SLC8A1: variants seen among roughly 807,000 people sequenced by gnomAD.
SLC8A1 encodes solute carrier family 8 member A1, also known as sodium/calcium exchanger 1.
A neutral mutation model predicts 68.3 loss-of-function variants in SLC8A1; 18 were observed. The observed-to-expected ratio is 0.26, with a 90% confidence interval of 0.18 to 0.39. The LOEUF (loss-of-function observed/expected upper bound fraction) is 0.39, where lower values mean the gene tolerates loss of function less well. SLC8A1 is among the 10% of genes least tolerant of loss of function. The pLI, the probability that SLC8A1 is intolerant of heterozygous loss-of-function variation, is 1.00. For synonymous variants in SLC8A1, 475 were observed against 415.5 expected (o/e 1.14, Z -1.74); for missense variants, 985 against 1,156.7 (o/e 0.85, Z 2.15).
At chr2:40,226,516 C>A (rs1390425187) in intron 2 of SLC8A1, among the ~76,000 whole-genome samples, 1 of 152,134 alleles carries the variant, frequency 6.6e-6, no homozygotes, top group Non-Finnish European at 1.5e-5. Flanking sequence ...GTACACAGAT[C>A]TTGCCTCTAA....
chr2:40,186,542 T>G (rs2050736656), intron 2 of SLC8A1, among the ~76,000 whole-genome samples: 1 of 152,192 alleles, frequency 6.6e-6, no homozygotes, highest in African/African-American at 2.4e-5. Context: ...TCATATTATT[T>G]CTACTAATAT....
At chr2:40,443,679 T>C (rs560708455) in intron 1 of SLC8A1, among the ~76,000 whole-genome samples, 24 of 152,168 alleles carry the variant, frequency 1.6e-4, no homozygotes, top group Non-Finnish European at 3.1e-4. Context: ...GGTTCACTGG[T>C]CTAGGGACTA....
chr2:40,451,644 C>A (rs1404585860), intron 1 of SLC8A1, among the ~76,000 whole-genome samples: 3 of 152,082 alleles, frequency 2.0e-5, no homozygotes, highest in Admixed American at 2.0e-4. Flanking sequence ...GGCAGGCAGG[C>A]AGGCACCCTC....
intron 1 of SLC8A1, among the ~76,000 whole-genome samples, chr2:40,496,417 G>C (rs982524719): frequency 1.3e-5 from 2 of 151,998 alleles, no homozygotes; most frequent in East Asian, 1.9e-4. Flanking sequence ...TCAAACAGTT[G>C]GATCAAGATC....
chr2:40,496,826 A>C (rs564577932), intron 1 of SLC8A1, among the ~76,000 whole-genome samples: 4 of 151,430 alleles, frequency 2.6e-5, no homozygotes, highest in South Asian at 4.2e-4. Context: ...CCGCAAGAAC[A>C]AAAAACCAAA....
chr2:40,246,597 G>T (rs1001994329), intron 2 of SLC8A1, among the ~76,000 whole-genome samples: 3 of 152,154 alleles, frequency 2.0e-5, no homozygotes, highest in African/African-American at 7.2e-5. Context: ...TGCCTTCAAG[G>T]TCTGCCAGCT....
At chr2:40,407,129 C>T (rs1690621901) in intron 2 of SLC8A1, among the ~76,000 whole-genome samples, 3 of 152,180 alleles carry the variant, frequency 2.0e-5, no homozygotes, top group Admixed American at 6.5e-5. Flanking sequence ...TACAGTGGTG[C>T]GATCCCAGCT....
chr2:40,477,335 C>T (rs1007217353), intron 1 of SLC8A1, among the ~76,000 whole-genome samples: 3 of 152,108 alleles, frequency 2.0e-5, no homozygotes, highest in Non-Finnish European at 1.5e-5. Context: ...ATTTCTAGAA[C>T]CTTCTGAACA....
rs183448872 is a variant in SLC8A1 at position 40,221,067 on chromosome 2, C to A, written c.1809-43212G>T. ...CTGATACCAAAACCTGGCAGAGACACAACAACAACAAAAAAGAAAATTTCA... is the reference window on the plus strand; with the variant it reads ...CTGATACCAAAACCTGGCAGAGACAAAACAACAACAAAAAAGAAAATTTCA... On this transcript the variant is annotated intron_variant, in intron 2 of 7. Transcript: ENST00000406785. Among the ~76,000 whole-genome samples the A allele has an allele frequency of 3.3e-4, 49 of 148,700 alleles. 1 individual carries two copies. In the East Asian group the frequency reaches 7.8e-3, roughly 24 times the overall value.
At chr2:40,204,395 C>T (rs2054978492) in intron 2 of SLC8A1, among the ~76,000 whole-genome samples, 1 of 152,002 alleles carries the variant, frequency 6.6e-6, no homozygotes, top group Non-Finnish European at 1.5e-5. Flanking sequence ...TATGTTTCCA[C>T]CCCAGTTGAG....
At chr2:40,377,704 C>T (rs1010961383) in intron 2 of SLC8A1, among the ~76,000 whole-genome samples, 15 of 152,018 alleles carry the variant, frequency 9.9e-5, no homozygotes, top group Non-Finnish European at 2.1e-4. Context: ...ACGACATCAC[C>T]GAGTATGAGT....
At chr2:40,406,877 C>T (rs1690529010) in intron 2 of SLC8A1, among the ~76,000 whole-genome samples, 1 of 152,202 alleles carries the variant, frequency 6.6e-6, no homozygotes, top group South Asian at 2.1e-4. Flanking sequence ...TTCCCCCTAT[C>T]TACGTCACAT....
At chr2:40,111,598 A>G in exon 8 of SLC8A1, 1 of 152,146 alleles carries the variant, frequency 6.6e-6, no homozygotes, top group East Asian at 1.9e-4. Flanking sequence ...TAAGTACACA[A>G]ACCTTAGAGG....
intron 2 of SLC8A1, among the ~76,000 whole-genome samples, chr2:40,355,241 A>T (rs1672318923): frequency 6.6e-6 from 1 of 152,182 alleles, no homozygotes; most frequent in Non-Finnish European, 1.5e-5. Flanking sequence ...AGGGAAAAAC[A>T]TCTAACAAGG....
At chr2:40,366,140 A>T (rs1449803504) in intron 2 of SLC8A1, among the ~76,000 whole-genome samples, 1 of 152,078 alleles carries the variant, frequency 6.6e-6, no homozygotes, top group Non-Finnish European at 1.5e-5. Context: ...TATTTGTAAA[A>T]TGGGGATAAT....
intron 2 of SLC8A1, among the ~76,000 whole-genome samples, chr2:40,399,060 A>G (rs1228324383): frequency 6.6e-6 from 1 of 152,232 alleles, no homozygotes; most frequent in Non-Finnish European, 1.5e-5. Flanking sequence ...TCTGTCAGAG[A>G]TTCATCAGTC....
chr2:40,338,681 G>A (rs1666772576), intron 2 of SLC8A1, among the ~76,000 whole-genome samples: 1 of 152,136 alleles, frequency 6.6e-6, no homozygotes, highest in African/African-American at 2.4e-5. Context: ...AACAAGTTGT[G>A]TCATAAAGAA....
At chr2:40,110,261 T>TA (rs1202870389) in exon 8 of SLC8A1, 1 of 152,186 alleles carries the variant, frequency 6.6e-6, no homozygotes, top group Non-Finnish European at 1.5e-5. Context: ...ATGAAATATC[T>TA]ATTTCAATTG....
chr2:40,358,073 G>T (rs905004081), intron 2 of SLC8A1, among the ~76,000 whole-genome samples: 3 of 144,402 alleles, frequency 2.1e-5, no homozygotes, highest in Non-Finnish European at 3.0e-5. Flanking sequence ...AAAAAAAAAG[G>T]TGGCGGTGCT....
Sources: allele counts gnomAD v4.1 joint callset (sites outside exome capture counted in the v4.1 genomes callset), GRCh38; gene constraint gnomAD v4.1.1; transcripts MANE v1.5; gene names NCBI Gene and HGNC (gene_info 2026-07-23, HGNC 2026-07-21).